The following RYR3 variants were observed in gnomAD, a reference collection of about 807,000 sequenced individuals.
RYR3 encodes brain ryanodine receptor-calcium release channel.
RYR3 carries 207 observed loss-of-function variants against 584.3 expected under a neutral mutation model. The ratio of observed to expected loss-of-function variants is 0.35; its 90% CI spans 0.32 to 0.40. The LOEUF is 0.40. Among genes scored for constraint, RYR3 ranks in the 10% least tolerant of loss-of-function variants. The pLI is 1.00. For missense variants in RYR3, 5,616 were observed against 6,089.2 expected (o/e 0.92, Z 2.59); for synonymous variants, 2,416 against 2,248.5 (o/e 1.07, Z -2.11).
intron 2 of RYR3, among the ~76,000 whole-genome samples, chr15:33,494,618 T>A (rs2051256309): frequency 6.6e-6 from 1 of 151,790 alleles, no homozygotes; most frequent in Non-Finnish European, 1.5e-5. Flanking sequence ...TTTCTTTACT[T>A]CCTTCTTTTA....
chr15:33,422,769 A>G (rs573918348), intron 1 of RYR3, among the ~76,000 whole-genome samples: 1 of 152,290 alleles, frequency 6.6e-6, no homozygotes, highest in South Asian at 2.1e-4. Flanking sequence ...TAGGAACCAG[A>G]TCAGCAGAGG....
intron 12 of RYR3, among the ~76,000 whole-genome samples, chr15:33,578,665 C>G (rs1380012201): frequency 6.6e-6 from 1 of 151,784 alleles, no homozygotes; most frequent in Non-Finnish European, 1.5e-5. Context: ...CATGCCGGGC[C>G]TAATACTTAG....
chr15:33,829,662 AGAATGGCGT>A (rs1596862420), intron 85 of RYR3, among the ~76,000 whole-genome samples: 1 of 151,646 alleles, frequency 6.6e-6, no homozygotes. Context: ...CTGAGGCAGG[AGAATGGCGT>A]GAACCCGGGA....
rs1555460210 is a variant in RYR3 at position 33,794,224 on chromosome 15, T to TATA, written c.9830+5767_9830+5769dup. ...TACACAAATATACATTATATATAAATATATATAAATATATATTTATGTGAA... is the reference window on the plus strand; with the variant it reads ...TACACAAATATACATTATATATAAATATAATATATAAATATATATTTATGTGAA... On this transcript the variant is annotated intron_variant, in intron 67 of 103. Transcript: ENST00000634891. 4.8e-3 allele frequency among the ~76,000 whole-genome samples: 539 copies of TATA among 111,928 alleles called. 3 individuals are homozygous for TATA. Among genetic ancestry groups the TATA allele is most frequent in the African/African-American group, 0.017 (505 of 28,858 alleles). The allele number at this position is 111,928 out of a possible 152,430, so 73.4% of individuals were successfully genotyped here. A position where few individuals can be genotyped will look rare whatever the true frequency, so the allele number is the denominator to read the frequency against.
intron 27 of RYR3, among the ~76,000 whole-genome samples, chr15:33,641,947 A>T (rs1200695684): frequency 6.6e-6 from 1 of 152,164 alleles, no homozygotes; most frequent in Non-Finnish European, 1.5e-5. Context: ...TCCCTCTCAC[A>T]CACTGACTGG....
intron 1 of RYR3, among the ~76,000 whole-genome samples, chr15:33,392,429 G>A (rs1027009448): frequency 1.1e-4 from 16 of 151,750 alleles, no homozygotes; most frequent in Admixed American, 9.8e-4. Flanking sequence ...GAAGAGAAGG[G>A]AAGGAAGCCA....
intron 2 of RYR3, among the ~76,000 whole-genome samples, chr15:33,502,011 C>T (rs965632725): frequency 4.6e-5 from 7 of 152,092 alleles, no homozygotes; most frequent in African/African-American, 1.7e-4. Flanking sequence ...AATTCTAAGA[C>T]TAGGTTTTTA....
At chr15:33,654,326 G>A (rs1364747613) in intron 32 of RYR3, among the ~76,000 whole-genome samples, 1 of 152,064 alleles carries the variant, frequency 6.6e-6, no homozygotes, top group Non-Finnish European at 1.5e-5. Context: ...ACCAGCCTGG[G>A]CAACATGGTG....
In RYR3 at chr15:33,693,101, A is replaced by G. The variant is rs1008284054; in HGVS notation, c.5861-3117A>G. Among the ~76,000 whole-genome samples the G allele has an allele frequency of 3.3e-5, 5 of 152,222 alleles. No individual in the cohort carries two copies. In the East Asian group the frequency reaches 9.6e-4, roughly 29 times the overall value. On this transcript the variant is annotated intron_variant, in intron 38 of 103. Transcript: ENST00000634891. The stretch of plus-strand genomic sequence containing the variant: ...AACTATAATTCTTTCAAGCCAAGGT[A>G]TAGGTTTTAGAGGAAATTGTACTGA...
intron 86 of RYR3, 39 bp downstream of exon 86, chr15:33,831,130 C>G: frequency 6.3e-7 from 1 of 1,588,478 alleles, no homozygotes; most frequent in African/African-American, 1.3e-5. Context: ...ACAAAGAGAA[C>G]ATTGTTGATA....
rs534083281 is a variant in RYR3 at position 33,782,211 on chromosome 15, G to A, written c.9268+1870G>A. Among the ~76,000 whole-genome samples, 14 of 152,326 alleles carry A rather than the reference G, an allele frequency of 9.2e-5. No homozygotes were observed. In the East Asian group the frequency reaches 2.7e-3, roughly 29 times the overall value. On this transcript the variant is annotated intron_variant, in intron 65 of 103. Transcript: ENST00000634891. Reference sequence around the variant, plus strand: ...AGGCACAGTAGCAGGGTGAAATGAGGATGTGACAAAGATAGAGGAAAGCCT... The same window carrying A: ...AGGCACAGTAGCAGGGTGAAATGAGAATGTGACAAAGATAGAGGAAAGCCT...
chr15:33,832,423 G>A (rs1031943690), intron 86 of RYR3, among the ~76,000 whole-genome samples: 4 of 152,186 alleles, frequency 2.6e-5, no homozygotes, highest in African/African-American at 9.7e-5. Context: ...GGGAGGCCAA[G>A]GTGGGCAGAT....
chr15:33,792,553 G>T (rs959995594), intron 67 of RYR3, among the ~76,000 whole-genome samples: 2 of 152,144 alleles, frequency 1.3e-5, no homozygotes, highest in Non-Finnish European at 2.9e-5. Context: ...GAACTTCAAA[G>T]GTTGAAAGTC....
rs1597153365 is a variant in RYR3 at position 33,865,340 on chromosome 15, T to A, written c.*114T>A. The A allele has an allele frequency of 3.2e-6, 2 of 622,134 alleles. No individual in the cohort carries two copies. Among genetic ancestry groups the A allele is most frequent in the Non-Finnish European group, 5.3e-6 (2 of 380,090 alleles). The allele number at this position is 622,134 out of a possible 1,614,324, so 38.5% of individuals were successfully genotyped here. On this transcript the variant is annotated 3_prime_UTR_variant, in exon 104 of 104. Coordinates refer to ENST00000634891, the MANE Select transcript of RYR3 (RefSeq NM_001036.6). ...TGTGACATTTTCTAAATGCCTCCCT[T>A]AAAAAAAAAACTGCTGAAAATCTGT... is the stretch of plus-strand genomic sequence containing the variant.
At chr15:33,681,760 T>C (rs2064638471) in intron 38 of RYR3, among the ~76,000 whole-genome samples, 1 of 152,246 alleles carries the variant, frequency 6.6e-6, no homozygotes, top group African/African-American at 2.4e-5. Flanking sequence ...AAGTGTAACC[T>C]AAGTGTGGTG....
chr15:33,520,857 G>C (rs529463684), intron 3 of RYR3, among the ~76,000 whole-genome samples: 1 of 152,182 alleles, frequency 6.6e-6, no homozygotes, highest in African/African-American at 2.4e-5. Context: ...AATGGAAAAT[G>C]CTCATCTGTC....
chr15:33,640,403 G>A (rs2061737708), intron 27 of RYR3, among the ~76,000 whole-genome samples: 1 of 152,120 alleles, frequency 6.6e-6, no homozygotes, highest in Non-Finnish European at 1.5e-5. Flanking sequence ...GGAAGGAATG[G>A]GTATAGCATG....
At chr15:33,518,504 C>T (rs945137722) in intron 3 of RYR3, among the ~76,000 whole-genome samples, 18 of 150,798 alleles carry the variant, frequency 1.2e-4, no homozygotes, top group Middle Eastern at 6.8e-3. Flanking sequence ...ACTTTTAATA[C>T]GCCTTCTTTC....
intron 87 of RYR3, 53 bp from the exon 88 acceptor site, chr15:33,836,853 G>A (rs184730035): frequency 6.8e-7 from 1 of 1,464,876 alleles, no homozygotes; most frequent in African/African-American, 1.4e-5. Context: ...TCACTGCCCT[G>A]TACTTTACTG....
Sources: gnomAD v4.1 joint callset for allele counts (sites outside exome capture counted in the v4.1 genomes callset) on GRCh38, gnomAD v4.1.1 for gene constraint, MANE v1.5 for transcripts, NCBI Gene and HGNC (gene_info 2026-07-23, HGNC 2026-07-21) for gene names.